Variants in ADAM22 observed in about 807,000 individuals in gnomAD.
ADAM22 encodes the protein ADAM metallopeptidase domain 22.
ADAM22 carries 65 observed loss-of-function variants against 144.6 expected under a neutral mutation model. The ratio of observed to expected loss-of-function variants is 0.45; its 90% confidence interval spans 0.37 to 0.55. The LOEUF is 0.55. ADAM22 is among the 20% of genes least tolerant of loss of function. The pLI, the probability that ADAM22 is intolerant of heterozygous loss-of-function variation, is 0.00. For synonymous variants in ADAM22, 391 were observed against 412.6 expected (o/e 0.95, Z 0.63); for missense variants, 974 against 1,184.9 (o/e 0.82, Z 2.61).
chr7:88,036,916 A>T (rs1401481843), intron 3 of ADAM22, among the ~76,000 whole-genome samples: 1 of 151,944 alleles, frequency 6.6e-6, no homozygotes, highest in Admixed American at 6.6e-5. Context: ...TATATATTTT[A>T]TGTCATGTCA....
In ADAM22 at chr7:88,044,733, CT is replaced by C. The variant is rs1157567254; in HGVS notation, c.324-30884del. 2.2e-5 allele frequency among the ~76,000 whole-genome samples: 3 copies of C among 139,108 alleles called. No individual in the cohort carries two copies. In the East Asian group the frequency reaches 6.5e-4, roughly 30 times the overall value. The allele number at this position is 139,108 out of a possible 152,430, so 91.3% of individuals were successfully genotyped here. ...AGTGCTGGGATTACAGGTGCCTGGCCTTTTTTTTTGAGAGGAAGTCTTGGTC... is the reference window on the plus strand; with the variant it reads ...AGTGCTGGGATTACAGGTGCCTGGCCTTTTTTTTGAGAGGAAGTCTTGGTC... On this transcript the variant is annotated intron_variant, in intron 3 of 31. Transcript: ENST00000413139.
At chr7:88,000,005 T>A (rs1034872039) in intron 3 of ADAM22, among the ~76,000 whole-genome samples, 12 of 151,238 alleles carry the variant, frequency 7.9e-5, no homozygotes, top group Non-Finnish European at 1.5e-4. Flanking sequence ...AAAAAAAAAA[T>A]TATTTGCCAT....
chr7:88,201,708 T>C lies in ADAM22; in HGVS notation c.*5217T>C, dbSNP rs1421000533. ...TCAAGTAATCATCATTCCATGTTCC[T>C]ACGTATCCTTGAAATCAAAACCAGG... On this transcript the variant is annotated 3_prime_UTR_variant, in exon 32 of 32. Transcript: ENST00000413139. 5 of 152,330 alleles carry C rather than the reference T, an allele frequency of 3.3e-5. No homozygotes were observed. In the East Asian group the frequency reaches 9.6e-4, roughly 29 times the overall value. 9.4% of individuals were successfully genotyped at this position (152,330 alleles called of 1,614,324 possible). A position where few individuals can be genotyped will look rare whatever the true frequency, so the allele number is the denominator to read the frequency against.
rs1850991101 is a variant in ADAM22 at position 88,199,406 on chromosome 7, A to G, written c.*2915A>G. On this transcript the variant is annotated 3_prime_UTR_variant, in exon 32 of 32. Transcript: ENST00000413139. ...ATCCATAGTCATTGCAGTGCAGTAA[A>G]CCCTGATTTAAAGGAACATTTAAGT... 6.6e-6 allele frequency: 1 copy of G among 152,124 alleles called. No homozygotes were observed. The highest frequency in any genetic ancestry group is 2.4e-5 in the African/African-American group (1 of 41,408). 9.4% of individuals were successfully genotyped at this position (152,124 alleles called of 1,614,324 possible). A position where few individuals can be genotyped will look rare whatever the true frequency, so the allele number is the denominator to read the frequency against.
chr7:88,141,519 C>G (rs954283723), intron 14 of ADAM22, among the ~76,000 whole-genome samples: 1 of 152,042 alleles, frequency 6.6e-6, no homozygotes, highest in African/African-American at 2.4e-5. Flanking sequence ...ATAAAAACTA[C>G]TCATTCTTAC....
Position 88,196,958 on chromosome 7 carries a change from G to A in ADAM22, c.*467G>A, listed in dbSNP as rs991735061. 2 of 161,508 alleles carry A rather than the reference G, an allele frequency of 1.2e-5. No homozygotes were observed. Among genetic ancestry groups the A allele is most frequent in the Admixed American group, 5.8e-5 (1 of 17,106 alleles). 10.0% of individuals were successfully genotyped at this position (161,508 alleles called of 1,614,324 possible). A position where few individuals can be genotyped will look rare whatever the true frequency, so the allele number is the denominator to read the frequency against. ...GGAAACAACATCCCATAATAGAAAT[G>A]AGCATGCAGGGCTAAGGCATATAGG... On this transcript the variant is annotated 3_prime_UTR_variant, in exon 32 of 32. Transcript: ENST00000413139.
At chr7:87,964,535 A>C (rs532153018) in intron 2 of ADAM22, 1 of 325,666 alleles carries the variant, frequency 3.1e-6, no homozygotes, top group Non-Finnish European at 5.8e-6. Context: ...AGTCTCTTTT[A>C]TTACCTTTGT....
At chr7:88,086,121 A>G (rs1290098024) in intron 4 of ADAM22, among the ~76,000 whole-genome samples, 1 of 152,204 alleles carries the variant, frequency 6.6e-6, no homozygotes, top group African/African-American at 2.4e-5. Flanking sequence ...GGTTGCAGTG[A>G]GCTGAGATTG....
chr7:88,031,215 A>G (rs1309749018), intron 3 of ADAM22, among the ~76,000 whole-genome samples: 1 of 152,224 alleles, frequency 6.6e-6, no homozygotes, highest in Non-Finnish European at 1.5e-5. Flanking sequence ...TAATACAGAA[A>G]ATTGGTACCA....
intron 3 of ADAM22, among the ~76,000 whole-genome samples, chr7:87,982,186 A>G (rs1853716720): frequency 6.6e-6 from 1 of 151,986 alleles, no homozygotes; most frequent in Non-Finnish European, 1.5e-5. Flanking sequence ...TTGAGAAGAA[A>G]GGAAACAAAG....
At chr7:88,123,781 T>C (rs1478607113) in intron 7 of ADAM22, among the ~76,000 whole-genome samples, 1 of 151,982 alleles carries the variant, frequency 6.6e-6, no homozygotes, top group East Asian at 1.9e-4. Context: ...CTTACCTGCA[T>C]CCCTTGTATT....
intron 7 of ADAM22, among the ~76,000 whole-genome samples, chr7:88,123,592 A>G (rs992265896): frequency 6.6e-6 from 1 of 151,872 alleles, no homozygotes; most frequent in Non-Finnish European, 1.5e-5. Flanking sequence ...CTGCTGATCA[A>G]TTTTATTGAT....
At chr7:88,054,983 T>G (rs1396546436) in intron 3 of ADAM22, among the ~76,000 whole-genome samples, 1 of 152,142 alleles carries the variant, frequency 6.6e-6, no homozygotes, top group Non-Finnish European at 1.5e-5. Context: ...AGTCAGTAGT[T>G]TTTTACTTGC....
chr7:88,089,952 G>T (rs1359626536), intron 4 of ADAM22: 1 of 152,018 alleles, frequency 6.6e-6, no homozygotes, highest in Non-Finnish European at 1.5e-5. Flanking sequence ...CATGGTAATT[G>T]GAATTTCTTT....
intron 27 of ADAM22, 104 bp from the exon 28 acceptor site, chr7:88,181,401 T>G (rs1312165183): frequency 2.0e-5 from 17 of 861,756 alleles, no homozygotes; most frequent in Non-Finnish European, 3.0e-5. Flanking sequence ...CTTTCTTGAT[T>G]TATTTTATTT....
At chr7:87,991,177 G>C (rs903019880) in intron 3 of ADAM22, among the ~76,000 whole-genome samples, 6 of 151,954 alleles carry the variant, frequency 3.9e-5, no homozygotes, top group African/African-American at 1.5e-4. Context: ...AGAGCCTTTT[G>C]CTTTCTGGGA....
chr7:88,122,468 C>T (rs576404550), intron 7 of ADAM22, among the ~76,000 whole-genome samples: 1 of 152,270 alleles, frequency 6.6e-6, no homozygotes, highest in African/African-American at 2.4e-5. Context: ...TAAAGTCTGT[C>T]AAATTCTTCT....
chr7:88,151,697 G>A (rs577668394), intron 20 of ADAM22, among the ~76,000 whole-genome samples: 62 of 152,258 alleles, frequency 4.1e-4, no homozygotes, highest in Non-Finnish European at 7.8e-4. Flanking sequence ...CGTGGACCCT[G>A]GACAGGACGT....
rs557862940 is a variant in ADAM22, at chr7:88,126,265, G to A, written c.678+606G>A. On this transcript the variant is annotated intron_variant, in intron 8 of 31. Coordinates refer to ENST00000413139, the MANE Select transcript of ADAM22 (RefSeq NM_001324418.2). Reference sequence around the variant, plus strand: ...TGTGACATGTGAAAATGACTTACTCGAATCATAGAGCTGGTAAACAGTTTA... The same window carrying A: ...TGTGACATGTGAAAATGACTTACTCAAATCATAGAGCTGGTAAACAGTTTA... Among the ~76,000 whole-genome samples, 10 of 152,006 alleles carry A rather than the reference G, an allele frequency of 6.6e-5. No individual in the cohort carries two copies. In the South Asian group the frequency reaches 1.7e-3, roughly 25 times the overall value.
Sources: allele counts gnomAD v4.1 joint callset (sites outside exome capture counted in the v4.1 genomes callset), GRCh38; gene constraint gnomAD v4.1.1; transcripts MANE v1.5; gene names NCBI Gene and HGNC (gene_info 2026-07-23, HGNC 2026-07-21).